SHTN1: variants seen among roughly 807,000 people sequenced by gnomAD.
SHTN1 encodes the protein shootin-1.
Under a neutral mutation model 83.1 loss-of-function variants are expected in SHTN1, and 42 were observed. That is an observed-to-expected ratio of 0.51 (90% CI 0.39 to 0.65). The LOEUF is 0.65. SHTN1 is among the 30% of genes least tolerant of loss of function. The pLI, the probability that SHTN1 is intolerant of heterozygous loss-of-function variation, is 0.00. For missense variants in SHTN1, 622 were observed against 737.8 expected, an observed-to-expected ratio of 0.84 and a Z score of 1.82; for synonymous variants, 224 against 247.7, an observed-to-expected ratio of 0.90 and a Z score of 0.90.
intron 2 of SHTN1, among the ~76,000 whole-genome samples, chr10:116,970,790 A>G (rs1420217611): frequency 6.6e-6 from 1 of 151,924 alleles, no homozygotes; most frequent in Non-Finnish European, 1.5e-5. Context: ...TATCTTACAT[A>G]CACAAATGCA....
Position 117,064,687 on chromosome 10 carries a change from C to A in SHTN1, c.-188-16177G>T, listed in dbSNP as rs189849062. ...AAAAAAAAGAAATGTACTTTCATAC[C>A]CCACTGCCTTTCCAAACCCCACTTG... is the stretch of plus-strand genomic sequence containing the variant. On this transcript the variant is annotated intron_variant, in intron 1 of 17. Transcript: ENST00000392901. Among the ~76,000 whole-genome samples the A allele has an allele frequency of 3.6e-4, 55 of 152,008 alleles. 1 individual carries two copies. In the Middle Eastern group the frequency reaches 0.01, roughly 28 times the overall value.
At chr10:117,012,097 C>T (rs1419751970) in intron 2 of SHTN1, among the ~76,000 whole-genome samples, 1 of 150,284 alleles carries the variant, frequency 6.7e-6, no homozygotes, top group Admixed American at 6.6e-5. Context: ...CGAGATCGCG[C>T]CACTGCATTC....
At chr10:117,020,980 C>T (rs1462108804) in intron 2 of SHTN1, among the ~76,000 whole-genome samples, 1 of 151,690 alleles carries the variant, frequency 6.6e-6, no homozygotes, top group Non-Finnish European at 1.5e-5. Context: ...AAAAAAAACC[C>T]AATAAAAATG....
At chr10:116,894,966 T>A (rs1419495171) in intron 16 of SHTN1, among the ~76,000 whole-genome samples, 1 of 152,202 alleles carries the variant, frequency 6.6e-6, no homozygotes, top group Non-Finnish European at 1.5e-5. Context: ...ATCCTGCCTC[T>A]CTTTATAATA....
chr10:117,105,995 C>G, intron 1 of SHTN1, among the ~76,000 whole-genome samples: 1 of 151,902 alleles, frequency 6.6e-6, no homozygotes, highest in East Asian at 1.9e-4. Flanking sequence ...GCCTGGGCAA[C>G]AGAGGAGACC....
chr10:117,123,907 CAA>C (rs368750401), intron 1 of SHTN1, among the ~76,000 whole-genome samples: 18 of 81,344 alleles, frequency 2.2e-4, no homozygotes, highest in Admixed American at 4.9e-4. Context: ...CCCTGTCTCA[CAA>C]AAAAAAAAAA....
chr10:117,109,441 A>C (rs1207262691), intron 1 of SHTN1, among the ~76,000 whole-genome samples: 4 of 152,074 alleles, frequency 2.6e-5, no homozygotes, highest in Non-Finnish European at 5.9e-5. Context: ...ATTGGAAGGA[A>C]ATACACCAAA....
intron 2 of SHTN1, among the ~76,000 whole-genome samples, chr10:117,036,889 C>T (rs1852505598): frequency 6.6e-6 from 1 of 152,070 alleles, no homozygotes; most frequent in South Asian, 2.1e-4. Context: ...AATTCATATA[C>T]CCCATAAATA....
chr10:117,121,352 A>G (rs1467146208), intron 1 of SHTN1, among the ~76,000 whole-genome samples: 1 of 150,722 alleles, frequency 6.6e-6, no homozygotes, highest in Non-Finnish European at 1.5e-5. Flanking sequence ...CCGAGGTGGG[A>G]GGATTACCTG....
At chr10:117,010,885 A>G (rs1007823969) in intron 2 of SHTN1, among the ~76,000 whole-genome samples, 5 of 152,220 alleles carry the variant, frequency 3.3e-5, no homozygotes, top group African/African-American at 1.2e-4. Context: ...GTTTCACCAT[A>G]AAAACTCTTA....
At chr10:117,112,890 G>C (rs549553510) in intron 1 of SHTN1, among the ~76,000 whole-genome samples, 1 of 152,126 alleles carries the variant, frequency 6.6e-6, no homozygotes, top group Non-Finnish European at 1.5e-5. Flanking sequence ...AGTTTTGATC[G>C]TTGACAATTC....
Position 117,102,065 on chromosome 10 carries a change from TA to T in SHTN1, c.-189+24241del, listed in dbSNP as rs199716651. On this transcript the variant is annotated intron_variant, in intron 1 of 17. Transcript: ENST00000392901. The stretch of plus-strand genomic sequence containing the variant: ...AGCCATCAAAAAGAAACTTTGTTCT[TA>T]AAAAAAAAAAAAAAATCACCTGACC... Among the ~76,000 whole-genome samples, 1,098 of 136,734 alleles carry T rather than the reference TA, an allele frequency of 8.0e-3. 1 individual carries two copies. Among genetic ancestry groups the T allele is most frequent in the Middle Eastern group, 0.022 (6 of 268 alleles). The allele number at this position is 136,734 out of a possible 152,430, so 89.7% of individuals were successfully genotyped here.
intron 13 of SHTN1, among the ~76,000 whole-genome samples, chr10:116,914,364 T>G (rs548098674): frequency 2.6e-5 from 4 of 151,640 alleles, no homozygotes; most frequent in Non-Finnish European, 5.9e-5. Context: ...TCCAGCTACT[T>G]GGGAGGCTGA....
At chr10:117,124,384 AGAG>A (rs1203778132) in intron 1 of SHTN1, among the ~76,000 whole-genome samples, 1 of 152,202 alleles carries the variant, frequency 6.6e-6, no homozygotes, top group Non-Finnish European at 1.5e-5. Flanking sequence ...CATCATGTTC[AGAG>A]TGGTATACCA....
chr10:116,963,510 A>G (rs918994874), intron 3 of SHTN1, among the ~76,000 whole-genome samples: 1 of 152,156 alleles, frequency 6.6e-6, no homozygotes, highest in Non-Finnish European at 1.5e-5. Flanking sequence ...ATGAGGTTTA[A>G]AAAAGAAAAA....
chr10:116,983,713 TAC>T, intron 1 of SHTN1, among the ~76,000 whole-genome samples: 1 of 151,122 alleles, frequency 6.6e-6, no homozygotes, highest in Non-Finnish European at 1.5e-5. Context: ...CATACATACA[TAC>T]ATACATACAT....
intron 1 of SHTN1, among the ~76,000 whole-genome samples, chr10:117,081,224 A>G (rs1853256598): frequency 6.6e-6 from 1 of 151,816 alleles, no homozygotes; most frequent in South Asian, 2.1e-4. Context: ...TACCTAATTT[A>G]TTGAGAGTTT....
In SHTN1 at chr10:116,948,991, T is replaced by C. The variant is rs1849682344; in HGVS notation, c.541A>G (p.Lys181Glu). 2 of 1,556,568 alleles carry C rather than the reference T, an allele frequency of 1.3e-6. No homozygotes were observed. The highest frequency in any genetic ancestry group is 1.3e-5 in the South Asian group (1 of 79,686). Residue 181 changes from lysine (K) to glutamate (E), a missense_variant, in exon 7 of 17, where the codon AAA (lysine) becomes GAA (glutamate). Physicochemically the swap from Lys to Glu is moderately conservative, Grantham distance 56 (BLOSUM62 1). This residue lies in a region of SHTN1 where 383 missense variants were observed against 455.8 expected (regional missense o/e 0.84). Coordinates refer to ENST00000355371, the MANE Select transcript of SHTN1 (RefSeq NM_001127211.3). The part of the protein sequence containing the change: ...KLVEVIEEVN[K>E]VKQEKTVLNS... ...AAAACAGTCTTTTCTTGTTTAACTT[T>C]ATTTACCTAAAAATGTGAAATTTTG...
intron 1 of SHTN1, among the ~76,000 whole-genome samples, chr10:117,105,838 T>A (rs887032359): frequency 2.0e-5 from 3 of 152,026 alleles, no homozygotes; most frequent in Non-Finnish European, 4.4e-5. Flanking sequence ...GGCAACATAG[T>A]GAAACCCTGT....
Sources: allele counts gnomAD v4.1 joint callset (sites outside exome capture counted in the v4.1 genomes callset), GRCh38; gene constraint gnomAD v4.1.1; regional missense constraint gnomAD v4.1.1; transcripts MANE v1.5; gene names NCBI Gene and HGNC (gene_info 2026-07-23, HGNC 2026-07-21).